Variants in CYP4Z1 observed in about 807,000 individuals in gnomAD.
CYP4Z1 encodes cytochrome P450 family 4 subfamily Z member 1, also known as cytochrome P450 4Z1.
A neutral mutation model predicts 54.2 loss-of-function variants in CYP4Z1; 41 were observed. The observed-to-expected ratio is 0.76, with a 90% confidence interval of 0.59 to 0.98. The LOEUF (loss-of-function observed/expected upper bound fraction) is 0.98, where lower values mean the gene tolerates loss of function less well. Ranked by LOEUF, CYP4Z1 falls within the 50% of genes least tolerant of loss-of-function variation. The probability of loss-of-function intolerance (pLI) is 0.00; values close to 1 mark genes in which losing one functional copy is unlikely to be tolerated. For synonymous variants in CYP4Z1, 163 were observed against 206.2 expected, an observed-to-expected ratio of 0.79 and a Z score of 1.79; for missense variants, 513 against 599.0, an observed-to-expected ratio of 0.86 and a Z score of 1.50.
chr1:47,109,130 C>A (rs566584154), intron 9 of CYP4Z1, among the ~76,000 whole-genome samples: 1 of 152,134 alleles, frequency 6.6e-6, no homozygotes, highest in African/African-American at 2.4e-5. Flanking sequence ...CTCCTAAGAT[C>A]CTACTTATAC....
At position 47,117,765 on chromosome 1, in the gene CYP4Z1, G is replaced by A. The variant is rs866388349; in HGVS notation, c.1350-1G>A. Reference sequence around the variant, plus strand: ...CATGTTTTCTTTCTTGGTATCCCCAGGAACTGCATTGGGCAGCATTTTGCC... The same window carrying A: ...CATGTTTTCTTTCTTGGTATCCCCAAGAACTGCATTGGGCAGCATTTTGCC... On this transcript the variant is annotated splice_acceptor_variant, in intron 11 of 11. Transcript: ENST00000334194. LOFTEE classifies it high-confidence loss of function. 2 of 1,608,802 alleles carry A rather than the reference G, an allele frequency of 1.2e-6. No homozygotes were observed. Among genetic ancestry groups the A allele is most frequent in the Non-Finnish European group, 1.7e-6 (2 of 1,177,340 alleles).
At chr1:47,079,475 A>G (rs952452258) in intron 2 of CYP4Z1, among the ~76,000 whole-genome samples, 3 of 152,158 alleles carry the variant, frequency 2.0e-5, no homozygotes, top group Admixed American at 2.0e-4. Flanking sequence ...CTTAGACATT[A>G]TTTTTTAGGA....
At chr1:47,096,765 A>G (rs973580556) in intron 7 of CYP4Z1, 9 of 151,900 alleles carry the variant, frequency 5.9e-5, no homozygotes, top group African/African-American at 2.2e-4. Flanking sequence ...AGTTGCAGGG[A>G]CTACGGGCAT....
At chr1:47,113,845 A>G (rs1644810388) in intron 9 of CYP4Z1, among the ~76,000 whole-genome samples, 1 of 152,220 alleles carries the variant, frequency 6.6e-6, no homozygotes, top group South Asian at 2.1e-4. Flanking sequence ...AGGAAGAATC[A>G]ATATCGTGAA....
At chr1:47,077,295 A>C (rs1359301314) in intron 2 of CYP4Z1, among the ~76,000 whole-genome samples, 1 of 152,076 alleles carries the variant, frequency 6.6e-6, no homozygotes, top group African/African-American at 2.4e-5. Context: ...TATAACTGTT[A>C]TATCTTCTTG....
chr1:47,062,834 C>T (rs1430516017), upstream of CYP4Z1, among the ~76,000 whole-genome samples: 1 of 152,212 alleles, frequency 6.6e-6, no homozygotes, highest in Admixed American at 6.5e-5. Context: ...AACCTGAATA[C>T]ATAACCAGGT....
At chr1:47,103,003 G>C (rs1329340474) in intron 8 of CYP4Z1, among the ~76,000 whole-genome samples, 1 of 151,910 alleles carries the variant, frequency 6.6e-6, no homozygotes, top group African/African-American at 2.4e-5. Flanking sequence ...TGTCACATAG[G>C]CTCTGCTCAT....
upstream of CYP4Z1, among the ~76,000 whole-genome samples, chr1:47,066,058 A>G (rs1644448179): frequency 6.6e-6 from 1 of 152,158 alleles, no homozygotes; most frequent in South Asian, 2.1e-4. Flanking sequence ...CAACAAAAAA[A>G]AAGTCCAGGA....
chr1:47,085,675 CTT>C (rs1160531661), intron 6 of CYP4Z1, among the ~76,000 whole-genome samples: 1 of 151,378 alleles, frequency 6.6e-6, no homozygotes, highest in Admixed American at 6.6e-5. Context: ...CGGTTTATGT[CTT>C]TTTTTCTTTT....
At chr1:47,093,316 G>A (rs1644653122) in intron 6 of CYP4Z1, among the ~76,000 whole-genome samples, 1 of 151,470 alleles carries the variant, frequency 6.6e-6, no homozygotes, top group Non-Finnish European at 1.5e-5. Context: ...CCAGCACCCT[G>A]TTAAATATGC....
At chr1:47,074,107 T>C (rs1156661716) in intron 2 of CYP4Z1, among the ~76,000 whole-genome samples, 1 of 152,250 alleles carries the variant, frequency 6.6e-6, no homozygotes, top group Non-Finnish European at 1.5e-5. Context: ...AGTCCTTTTT[T>C]TGGGTGAAAG....
At chr1:47,116,569 GATTTCGT>G in intron 10 of CYP4Z1, 74 bp from the exon 11 acceptor site, 1 of 884,552 alleles carries the variant, frequency 1.1e-6, no homozygotes, top group East Asian at 2.6e-5. Context: ...AATATCTATG[GATTTCGT>G]TTTTGTTTTT....
intron 9 of CYP4Z1, among the ~76,000 whole-genome samples, chr1:47,112,767 T>C (rs1412207787): frequency 6.6e-6 from 1 of 152,024 alleles, no homozygotes; most frequent in Non-Finnish European, 1.5e-5. Flanking sequence ...CAGTGCATCA[T>C]GGCCAAGTAA....
intron 9 of CYP4Z1, among the ~76,000 whole-genome samples, chr1:47,111,346 G>A (rs1032646235): frequency 3.3e-5 from 5 of 152,102 alleles, no homozygotes; most frequent in African/African-American, 1.2e-4. Flanking sequence ...ACCACGCCTG[G>A]CTAATTTTTT....
chr1:47,068,880 G>A, intron 2 of CYP4Z1, 117 bp downstream of exon 2: 4 of 1,353,216 alleles, frequency 3.0e-6, no homozygotes, highest in Admixed American at 2.3e-5. Context: ...CATTTGATAT[G>A]TTGAAGGGAA....
intron 3 of CYP4Z1, among the ~76,000 whole-genome samples, chr1:47,082,022 G>A (rs1418215444): frequency 6.7e-6 from 1 of 149,996 alleles, no homozygotes; most frequent in African/African-American, 2.5e-5. Flanking sequence ...TTAAGCCAAG[G>A]AATCTGCCTC....
the CYP4Z1 span, among the ~76,000 whole-genome samples, chr1:47,059,966 T>C: frequency 6.6e-6 from 1 of 152,176 alleles, no homozygotes; most frequent in African/African-American, 2.4e-5. Context: ...ATGAAATCAC[T>C]CTTTTCTCCT....
chr1:47,079,463 C>G (rs1257804174), intron 2 of CYP4Z1, among the ~76,000 whole-genome samples: 1 of 152,186 alleles, frequency 6.6e-6, no homozygotes, highest in Non-Finnish European at 1.5e-5. Context: ...CCTGATGTCA[C>G]TCTTAGACAT....
chr1:47,084,813 C>T lies in CYP4Z1; in HGVS notation c.618-11C>T. On this transcript the variant is annotated splice_polypyrimidine_tract_variant and intron_variant, in intron 5 of 11. Transcript: ENST00000334194. The stretch of plus-strand genomic sequence containing the variant: ...ACCCACTAACATGTTGTTCCATCTT[C>T]CCTATTCCAGTACCCTGGACTCATA... 1.3e-6 allele frequency: 2 copies of T among 1,544,272 alleles called. No homozygotes were observed. Among genetic ancestry groups the T allele is most frequent in the Admixed American group, 2.2e-5 (1 of 45,628 alleles).
Sources: allele counts gnomAD v4.1 joint callset (sites outside exome capture counted in the v4.1 genomes callset), GRCh38; gene constraint gnomAD v4.1.1; transcripts MANE v1.5; gene names NCBI Gene and HGNC (gene_info 2026-07-23, HGNC 2026-07-21).